The following SGCD variants were observed in gnomAD, a reference collection of about 807,000 sequenced individuals.
The protein encoded by SGCD is sarcoglycan delta.
Under a neutral mutation model 36.6 loss-of-function variants are expected in SGCD, and 18 were observed. That is an observed-to-expected ratio of 0.49 (90% confidence interval 0.34 to 0.73). SGCD has a LOEUF of 0.73. Ranked by LOEUF, SGCD falls within the 30% of genes least tolerant of loss-of-function variation. SGCD has a pLI of 0.01. For missense variants in SGCD, 387 were observed against 346.7 expected (o/e 1.12, Z -0.92); for synonymous variants, 133 against 130.6 (o/e 1.02, Z -0.12).
intron 2 of SGCD, among the ~76,000 whole-genome samples, chr5:156,332,389 TG>T (rs1768111321): frequency 1.3e-5 from 2 of 152,244 alleles, no homozygotes; most frequent in African/African-American, 4.8e-5. Context: ...GCACAGTGGC[TG>T]GTGGCCTGTG....
chr5:155,946,765 A>G (rs1377714355), intron 1 of SGCD, among the ~76,000 whole-genome samples: 1 of 152,228 alleles, frequency 6.6e-6, no homozygotes, highest in Non-Finnish European at 1.5e-5. Context: ...TGACCAAACC[A>G]GCTGGATCAC....
chr5:156,689,522 T>C (rs1754034661), intron 7 of SGCD, among the ~76,000 whole-genome samples: 1 of 152,012 alleles, frequency 6.6e-6, no homozygotes, highest in Non-Finnish European at 1.5e-5. Flanking sequence ...GGTACTTGAG[T>C]TTATCATTTA....
chr5:156,757,541 GA>G (rs1757384839), intron 7 of SGCD, 39 bp from the exon 8 acceptor site: 3 of 1,291,542 alleles, frequency 2.3e-6, no homozygotes, highest in Non-Finnish European at 3.3e-6. Flanking sequence ...TTATTAAAAA[GA>G]AAAAGGGATC....
chr5:156,566,668 A>T (rs575779868), intron 4 of SGCD, among the ~76,000 whole-genome samples: 1 of 152,190 alleles, frequency 6.6e-6, no homozygotes. Flanking sequence ...CACTATTCTA[A>T]GTGAAAAAAT....
intron 4 of SGCD, among the ~76,000 whole-genome samples, chr5:156,528,831 G>T (rs186726785): frequency 5.9e-5 from 9 of 152,254 alleles, no homozygotes; most frequent in Middle Eastern, 6.8e-3. Flanking sequence ...AACAAAATTA[G>T]CATTTCCAGT....
intron 3 of SGCD, among the ~76,000 whole-genome samples, chr5:156,152,515 T>C (rs574210581): frequency 1.3e-5 from 2 of 151,774 alleles, no homozygotes; most frequent in African/African-American, 4.9e-5. Flanking sequence ...AAAATACACT[T>C]AAGATTTTCA....
intron 7 of SGCD, among the ~76,000 whole-genome samples, chr5:156,684,714 AC>A (rs1485507626): frequency 1.3e-5 from 2 of 152,218 alleles, no homozygotes; most frequent in African/African-American, 4.8e-5. Context: ...GTCTACATTT[AC>A]CAGCCTCTAA....
chr5:156,342,744 G>A (rs929097389), intron 2 of SGCD, among the ~76,000 whole-genome samples: 26 of 152,184 alleles, frequency 1.7e-4, no homozygotes, highest in African/African-American at 4.8e-4. Context: ...GGAGCCTGAA[G>A]TGAAAATTTG....
At chr5:155,728,302 G>A in the SGCD span, among the ~76,000 whole-genome samples, 1 of 152,156 alleles carries the variant, frequency 6.6e-6, no homozygotes, top group African/African-American at 2.4e-5. Context: ...CGCTGCCGGA[G>A]CCCGAACCCA....
chr5:156,155,197 T>C lies in SGCD; in HGVS notation c.-44+31178T>C, dbSNP rs1017744493. ...AAGTATTTCTCTATGAAAAATTATC[T>C]ATCTATCTATCTATCCGTCCATCTG... On this transcript the variant is annotated intron_variant, in intron 3 of 9. Transcript: ENST00000517913. 7.9e-5 allele frequency among the ~76,000 whole-genome samples: 12 copies of C among 151,538 alleles called. 1 individual carries two copies. Among genetic ancestry groups the C allele is most frequent in the African/African-American group, 2.9e-4 (12 of 40,888 alleles).
the SGCD span, among the ~76,000 whole-genome samples, chr5:155,842,936 G>A: frequency 2.0e-5 from 3 of 151,962 alleles, no homozygotes; most frequent in African/African-American, 4.8e-5. Flanking sequence ...GTTGTTTTTC[G>A]ATTCTTTTCT....
At chr5:156,301,455 A>G (rs867735907) in intron 3 of SGCD, among the ~76,000 whole-genome samples, 14 of 152,044 alleles carry the variant, frequency 9.2e-5, no homozygotes, top group African/African-American at 3.4e-4. Flanking sequence ...ATCTTATTAT[A>G]CTGTCTATGT....
chr5:155,758,490 C>A, the SGCD span, among the ~76,000 whole-genome samples: 1 of 152,162 alleles, frequency 6.6e-6, no homozygotes, highest in Non-Finnish European at 1.5e-5. Context: ...TGTGGCCTGG[C>A]CCAGGGTTAT....
chr5:156,335,617 C>T (rs1768307395), intron 2 of SGCD, among the ~76,000 whole-genome samples: 1 of 152,234 alleles, frequency 6.6e-6, no homozygotes, highest in Middle Eastern at 3.4e-3. Flanking sequence ...AACATTAACA[C>T]GCCTGTCTCT....
At chr5:156,574,125 T>A (rs1245320197) in intron 4 of SGCD, among the ~76,000 whole-genome samples, 1 of 152,166 alleles carries the variant, frequency 6.6e-6, no homozygotes, top group Non-Finnish European at 1.5e-5. Flanking sequence ...CTCTCCCCCA[T>A]ACTTTATAGG....
At chr5:156,369,305 A>T (rs1224414797) in intron 3 of SGCD, among the ~76,000 whole-genome samples, 1 of 152,134 alleles carries the variant, frequency 6.6e-6, no homozygotes, top group East Asian at 1.9e-4. Context: ...CAAGGTGAAG[A>T]GGAATTTGGG....
intron 3 of SGCD, among the ~76,000 whole-genome samples, chr5:156,426,457 C>T (rs1340767056): frequency 6.6e-6 from 1 of 151,974 alleles, no homozygotes; most frequent in Non-Finnish European, 1.5e-5. Flanking sequence ...CTTATAGATT[C>T]TGAATATTAA....
chr5:156,287,392 T>G (rs1766636310), intron 3 of SGCD, among the ~76,000 whole-genome samples: 1 of 151,808 alleles, frequency 6.6e-6, no homozygotes, highest in African/African-American at 2.4e-5. Flanking sequence ...GAAATGTAGC[T>G]AGAGAGGGTT....
At chr5:156,185,212 CTTTTTT>C (rs755578762) in intron 3 of SGCD, among the ~76,000 whole-genome samples, 1 of 113,226 alleles carries the variant, frequency 8.8e-6, no homozygotes. Context: ...CTTTAATTTT[CTTTTTT>C]TTTTTTTTTT....
Sources: allele counts gnomAD v4.1 joint callset (sites outside exome capture counted in the v4.1 genomes callset), GRCh38; gene constraint gnomAD v4.1.1; transcripts MANE v1.5; gene names NCBI Gene and HGNC (gene_info 2026-07-23, HGNC 2026-07-21).